ZNF439: variants seen among roughly 807,000 people sequenced by gnomAD.
The protein encoded by ZNF439 is zinc finger protein 439.
ZNF439 carries 40 observed loss-of-function variants against 47.3 expected under a neutral mutation model. That is an observed-to-expected ratio of 0.85 (90% CI 0.66 to 1.10). The LOEUF (loss-of-function observed/expected upper bound fraction) is 1.10, where lower values mean the gene tolerates loss of function less well. Ranked by LOEUF, ZNF439 falls within the 50% of genes least tolerant of loss-of-function variation. The pLI, the probability that ZNF439 is intolerant of heterozygous loss-of-function variation, is 0.00. For synonymous variants in ZNF439, 171 were observed against 198.8 expected (o/e 0.86, Z 1.18); for missense variants, 556 against 601.1 (o/e 0.93, Z 0.78).
Position 11,864,766 on chromosome 19 carries a change from G to A in ZNF439, c.64-1439G>A, listed in dbSNP as rs77840160. ...ATTATCCTGATGTTTCATATATGTC[G>A]TAGTATGGGCCAAGATATTGTTTTC... On this transcript the variant is annotated intron_variant, in intron 1 of 3. Coordinates refer to ENST00000682736, the MANE Select transcript of ZNF439 (RefSeq NM_001348719.2). Among the ~76,000 whole-genome samples, 1,107 of 151,674 alleles carry A rather than the reference G, an allele frequency of 7.3e-3. 5 individuals carry two copies. Among genetic ancestry groups the A allele is most frequent in the Non-Finnish European group, 9.9e-3 (670 of 67,892 alleles).
In ZNF439 at chr19:11,868,279, C is replaced by T. The variant is rs750839559; in HGVS notation, c.1225C>T (p.His409Tyr). 2 of 1,614,048 alleles carry T rather than the reference C, an allele frequency of 1.2e-6. No homozygotes were observed. The highest frequency in any genetic ancestry group is 1.1e-5 in the South Asian group (1 of 91,078). ...SGSFRYHERT[H>Y]TGEKPYECKQ... ...TTCCTTTCGATATCATGAAAGGACT[C>T]ACACTGGAGAGAAACCCTATGAGTG... is the stretch of plus-strand genomic sequence containing the variant. The change falls in exon 4 of 4, where the codon CAC becomes TAC. Residue 409 changes from histidine (H) to tyrosine (Y), a missense_variant. Physicochemically the swap from His to Tyr is moderately conservative, Grantham distance 83. Coordinates refer to ENST00000682736, the MANE Select transcript of ZNF439 (RefSeq NM_001348719.2).
In ZNF439 at chr19:11,848,775, C is replaced by A; in HGVS notation, c.-93C>A. The A allele has an allele frequency of 7.5e-7, 1 of 1,329,068 alleles. No homozygotes were observed. 82.3% of individuals were successfully genotyped at this position (1,329,068 alleles called of 1,614,324 possible). On this transcript the variant is annotated 5_prime_UTR_variant, in exon 1 of 4. Transcript: ENST00000682736. ...GTTGCATTCCTGCCGTCACCTTTGTCGCTGCGAGGGCGGCGGTTGGGATCT... is the reference window on the plus strand; with the variant it reads ...GTTGCATTCCTGCCGTCACCTTTGTAGCTGCGAGGGCGGCGGTTGGGATCT...
At chr19:11,857,064 T>G (rs749531575) in intron 1 of ZNF439, 2 of 152,216 alleles carry the variant, frequency 1.3e-5, no homozygotes, top group Non-Finnish European at 2.9e-5. Context: ...AGCGTTGAGC[T>G]GAAAGTCCAG....
In ZNF439 at chr19:11,868,942, C is replaced by G; in HGVS notation, c.*373C>G. 1 of 313,402 alleles carries G rather than the reference C, an allele frequency of 3.2e-6. No individual in the cohort carries two copies. The highest frequency in any genetic ancestry group is 6.4e-6 in the Non-Finnish European group (1 of 155,064). The allele number at this position is 313,402 out of a possible 1,614,324, so 19.4% of individuals were successfully genotyped here. A position where few individuals can be genotyped will look rare whatever the true frequency, so the allele number is the denominator to read the frequency against. On this transcript the variant is annotated 3_prime_UTR_variant, in exon 4 of 4. Coordinates refer to ENST00000682736, the MANE Select transcript of ZNF439 (RefSeq NM_001348719.2). Reference sequence around the variant, plus strand: ...GGAAAGCATTCATATCTGCCAAGATCGTTTGAATACATGCAAAACACACAC... The same window carrying G: ...GGAAAGCATTCATATCTGCCAAGATGGTTTGAATACATGCAAAACACACAC...
chr19:11,863,793 G>A (rs1364862129), intron 1 of ZNF439, among the ~76,000 whole-genome samples: 1 of 152,144 alleles, frequency 6.6e-6, no homozygotes, highest in Non-Finnish European at 1.5e-5. Context: ...TCATCAGGAG[G>A]TAGTTTTGTA....
chr19:11,853,543 C>G (rs1287343061), intron 1 of ZNF439, among the ~76,000 whole-genome samples: 1 of 152,188 alleles, frequency 6.6e-6, no homozygotes, highest in Non-Finnish European at 1.5e-5. Context: ...TAGATAACCT[C>G]AAGCAGCACA....
chr19:11,854,988 A>G (rs1599313060), intron 1 of ZNF439, among the ~76,000 whole-genome samples: 1 of 152,124 alleles, frequency 6.6e-6, no homozygotes, highest in Non-Finnish European at 1.5e-5. Context: ...TAGTATCCCA[A>G]CCCCGATGCT....
intron 1 of ZNF439, chr19:11,856,625 C>T (rs1200805817): frequency 6.6e-6 from 1 of 152,258 alleles, no homozygotes; most frequent in African/African-American, 2.4e-5. Flanking sequence ...TGGATTGCAT[C>T]CTTCCACAGG....
chr19:11,867,976 T>A lies in ZNF439; in HGVS notation c.922T>A (p.Cys308Ser). The A allele has an allele frequency of 6.2e-7, 1 of 1,614,096 alleles. No individual in the cohort carries two copies. The highest frequency in any genetic ancestry group is 8.5e-7 in the Non-Finnish European group (1 of 1,180,006). The change falls in exon 4 of 4, where the codon TGT (cysteine) becomes AGT (serine). Residue 308 changes from cysteine to serine, a missense_variant. By Grantham distance (112) the Cys-to-Ser change is moderately radical (BLOSUM62 -1). Coordinates refer to ENST00000682736, the MANE Select transcript of ZNF439 (RefSeq NM_001348719.2). ...AGAGAAGGCTTATCAATGTAAGGAATGTGGAAAAGCATTCATGTGTCCCCG... is the reference window on the plus strand; with the variant it reads ...AGAGAAGGCTTATCAATGTAAGGAAAGTGGAAAAGCATTCATGTGTCCCCG... ...MGEKAYQCKE[C>S]GKAFMCPRYV... is the part of the protein sequence containing the mutation.
At chr19:11,862,066 A>G (rs1976554923) in intron 1 of ZNF439, among the ~76,000 whole-genome samples, 1 of 152,114 alleles carries the variant, frequency 6.6e-6, no homozygotes, top group Non-Finnish European at 1.5e-5. Flanking sequence ...TTGACAACTC[A>G]TTTAGTTTTT....
At chr19:11,861,758 C>A (rs962420742) in intron 1 of ZNF439, among the ~76,000 whole-genome samples, 6 of 152,180 alleles carry the variant, frequency 3.9e-5, no homozygotes, top group African/African-American at 1.4e-4. Context: ...ACAGGGGACA[C>A]AATGCCATGT....
At position 11,866,193 on chromosome 19, in the gene ZNF439, G is replaced by T. The variant is rs150359950; in HGVS notation, c.64-12G>T. The T allele has an allele frequency of 1.6e-3, 2,576 of 1,614,112 alleles. 3 individuals are homozygous for T. The highest frequency in any genetic ancestry group is 2.0e-3 in the Non-Finnish European group (2,419 of 1,180,034). ...CTCACCCATCCTCCTCTACACATGT[G>T]AGATGTTTCAGGACCCAGTGGCTTT... On this transcript the variant is annotated splice_polypyrimidine_tract_variant and intron_variant, in intron 1 of 3. Transcript: ENST00000682736.
At chr19:11,852,383 C>A (rs937543514) in intron 1 of ZNF439, among the ~76,000 whole-genome samples, 2 of 152,196 alleles carry the variant, frequency 1.3e-5, no homozygotes, top group Admixed American at 1.3e-4. Flanking sequence ...AATCTGTAAT[C>A]AAGGAAAGAG....
intron 1 of ZNF439, among the ~76,000 whole-genome samples, chr19:11,860,322 A>G (rs73924867): frequency 0.01 from 1,572 of 152,282 alleles, 21 homozygotes; most frequent in African/African-American, 0.037. Flanking sequence ...ATAGACAAAT[A>G]CTGCCCCATG....
chr19:11,855,231 T>C (rs1237965586), intron 1 of ZNF439, among the ~76,000 whole-genome samples: 4 of 152,234 alleles, frequency 2.6e-5, no homozygotes, highest in African/African-American at 9.6e-5. Context: ...TCCATGTAGT[T>C]GACCTTTAGG....
intron 1 of ZNF439, chr19:11,850,131 TGGCTCGATCTC>T (rs1288448872): frequency 6.6e-6 from 1 of 152,306 alleles, no homozygotes; most frequent in African/African-American, 2.4e-5. Flanking sequence ...TGGTGTGCAA[TGGCTCGATCTC>T]GGCTCACTGC....
chr19:11,851,317 ATCCTT>A (rs1976233796), intron 1 of ZNF439, among the ~76,000 whole-genome samples: 1 of 152,204 alleles, frequency 6.6e-6, no homozygotes, highest in African/African-American at 2.4e-5. Flanking sequence ...AAAGAAAACT[ATCCTT>A]TACATTTTAG....
intron 1 of ZNF439, 186 bp downstream of exon 1, chr19:11,849,116 C>G: frequency 8.6e-7 from 1 of 1,162,348 alleles, no homozygotes; most frequent in Non-Finnish European, 1.1e-6. Context: ...CCTGTCCCGT[C>G]CCTGCCCGTC....
chr19:11,867,220 GTTA>G lies in ZNF439; in HGVS notation c.252-85_252-83del, dbSNP rs1976709252. 4 of 1,461,144 alleles carry G rather than the reference GTTA, an allele frequency of 2.7e-6. No individual in the cohort carries two copies. The East Asian group carries it at 9.5e-5, about 35-fold the overall frequency. 90.5% of individuals were successfully genotyped at this position (1,461,144 alleles called of 1,614,324 possible). A position where few individuals can be genotyped will look rare whatever the true frequency, so the allele number is the denominator to read the frequency against. ...GAAAGCCTACACTTTGATGGAGAGTGTTAAAAATGCAAGTACAATACTTGCTGA... is the reference window on the plus strand; with the variant it reads ...GAAAGCCTACACTTTGATGGAGAGTGAAAATGCAAGTACAATACTTGCTGA... On this transcript the variant is annotated intron_variant, in intron 3 of 3. Transcript: ENST00000682736.
Sources: allele counts gnomAD v4.1 joint callset (sites outside exome capture counted in the v4.1 genomes callset), GRCh38; gene constraint gnomAD v4.1.1; transcripts MANE v1.5; gene names NCBI Gene and HGNC (gene_info 2026-07-23, HGNC 2026-07-21).